Variants in BECN1 observed in about 807,000 individuals in gnomAD.
BECN1 encodes beclin 1, also known as beclin-1.
BECN1 carries 15 observed loss-of-function variants against 60.1 expected under a neutral mutation model. The ratio of observed to expected loss-of-function variants is 0.25; its 90% confidence interval spans 0.17 to 0.38. BECN1 has a LOEUF of 0.38. BECN1 is among the 10% of genes least tolerant of loss of function. The pLI is 1.00. For synonymous variants in BECN1, 179 were observed against 201.8 expected, an observed-to-expected ratio of 0.89 and a Z score of 0.96; for missense variants, 424 against 548.2, an observed-to-expected ratio of 0.77 and a Z score of 2.26.
At chr17:42,821,684 T>G in intron 2 of BECN1, among the ~76,000 whole-genome samples, 1 of 152,208 alleles carries the variant, frequency 6.6e-6, no homozygotes, top group African/African-American at 2.4e-5. Context: ...TTGTCAAAAA[T>G]GTACAGCTAA....
At chr17:42,811,386 C>G (rs1020050531) in intron 11 of BECN1, 7 of 361,314 alleles carry the variant, frequency 1.9e-5, no homozygotes, top group Admixed American at 1.4e-4. Flanking sequence ...AGGGAAAAAC[C>G]TTCTTGAAAC....
chr17:42,818,533 G>A lies in BECN1; in HGVS notation c.488+11C>T, dbSNP rs556635436. 1 of 1,614,088 alleles carries A rather than the reference G, an allele frequency of 6.2e-7. No homozygotes were observed. Among genetic ancestry groups the A allele is most frequent in the South Asian group, 1.1e-5 (1 of 91,080 alleles). On this transcript the variant is annotated intron_variant, in intron 6 of 11. Coordinates refer to ENST00000590099, the MANE Select transcript of BECN1 (RefSeq NM_001313998.2). ...GTAACAGCTCTGAGCCCTGGCTCTGGAGACACTCACTTGTAGTTCTGACAC... is the reference window on the plus strand; with the variant it reads ...GTAACAGCTCTGAGCCCTGGCTCTGAAGACACTCACTTGTAGTTCTGACAC...
chr17:42,811,801 C>T lies in BECN1; in HGVS notation c.1042-4G>A, dbSNP rs772848306. 6.2e-7 allele frequency: 1 copy of T among 1,606,754 alleles called. No individual in the cohort carries two copies. ...CAGAACAGTATAACGGCAGCTCCTGCCCAAGAAGAGAAAACTGGCTATGGA... is the reference window on the plus strand; with the variant it reads ...CAGAACAGTATAACGGCAGCTCCTGTCCAAGAAGAGAAAACTGGCTATGGA... On this transcript the variant is annotated splice_polypyrimidine_tract_variant and splice_region_variant and intron_variant, in intron 10 of 11. Transcript: ENST00000590099.
intron 7 of BECN1, among the ~76,000 whole-genome samples, chr17:42,817,217 T>C (rs2055164644): frequency 6.6e-6 from 1 of 150,504 alleles, no homozygotes; most frequent in African/African-American, 2.4e-5. Context: ...ATTGCTTAGG[T>C]GTAGGAAGTC....
rs769022331 is a variant in BECN1 at position 42,818,706 on chromosome 17, G to C, written c.352-26C>G. ...CTGGAAGTGTGGGAGAGTCAGGGTA[G>C]GGCCTCCCCCATGCTTCCTGCTCAA... On this transcript the variant is annotated intron_variant, in intron 5 of 11. Transcript: ENST00000590099. 2.5e-6 allele frequency: 4 copies of C among 1,614,028 alleles called. No homozygotes were observed. The South Asian group carries it at 3.3e-5, about 13-fold the overall frequency.
At chr17:42,823,282 C>T (rs1229566598) in intron 2 of BECN1, among the ~76,000 whole-genome samples, 1 of 152,006 alleles carries the variant, frequency 6.6e-6, no homozygotes, top group Non-Finnish European at 1.5e-5. Flanking sequence ...TGAGACGGAG[C>T]CTCGCTCTGT....
At chr17:42,812,769 A>T (rs1279296706) in intron 10 of BECN1, 1 of 150,182 alleles carries the variant, frequency 6.7e-6, no homozygotes, top group Non-Finnish European at 1.5e-5. Flanking sequence ...AAAACCTGAA[A>T]CTTTTTGACC....
At chr17:42,811,896 T>C in intron 10 of BECN1, 99 bp from the exon 11 acceptor site, 1 of 1,424,502 alleles carries the variant, frequency 7.0e-7, no homozygotes, top group African/African-American at 1.4e-5. Context: ...GTTCTGTCTG[T>C]ATCCCACTGG....
chr17:42,818,658 A>G lies in BECN1; in HGVS notation c.374T>C (p.Ile125Thr), dbSNP rs1324544345. ...ATCCACATCTGTCTGGCCCGACATG[A>G]TGTCAAAAAGGTCCCCAGTGACCTG... ...RLKVTGDLFDIMSGQTDVDHP... is the reference protein window; with the variant it reads ...RLKVTGDLFDTMSGQTDVDHP... Residue 125 changes from isoleucine to threonine, a missense_variant, in exon 6 of 12, where the codon ATC becomes ACC. This residue lies in a region of BECN1 where 326 missense variants were observed against 406.2 expected (regional missense o/e 0.80). Coordinates refer to ENST00000590099, the MANE Select transcript of BECN1 (RefSeq NM_001313998.2). The G allele has an allele frequency of 1.9e-6, 3 of 1,614,042 alleles. No homozygotes were observed. The highest frequency in any genetic ancestry group is 2.5e-6 in the Non-Finnish European group (3 of 1,180,032).
chr17:42,816,945 A>C (rs1051478193), intron 7 of BECN1, among the ~76,000 whole-genome samples: 1 of 149,162 alleles, frequency 6.7e-6, no homozygotes, highest in Admixed American at 6.6e-5. Context: ...ACTCCAGCCT[A>C]GGCAACAGAG....
chr17:42,821,242 G>A (rs2055258159), intron 2 of BECN1, among the ~76,000 whole-genome samples: 1 of 152,092 alleles, frequency 6.6e-6, no homozygotes, highest in Non-Finnish European at 1.5e-5. Context: ...TTGTATTTTA[G>A]TAGAGACAGG....
At chr17:42,816,611 T>G (rs1007824260) in intron 7 of BECN1, among the ~76,000 whole-genome samples, 4 of 145,992 alleles carry the variant, frequency 2.7e-5, no homozygotes, top group African/African-American at 1.0e-4. Context: ...ATCACACCAC[T>G]GTACTCCAGA....
At chr17:42,824,110 C>G in intron 1 of BECN1, 45 bp downstream of exon 1, 1 of 524,950 alleles carries the variant, frequency 1.9e-6, no homozygotes, top group Non-Finnish European at 3.3e-6. Context: ...TGAGGGTTCC[C>G]AGACTCCCTT....
rs752731852 is a variant in BECN1, at chr17:42,822,274, T to C, written c.131-1433A>G. On this transcript the variant is annotated intron_variant, in intron 2 of 11. Coordinates refer to ENST00000590099, the MANE Select transcript of BECN1 (RefSeq NM_001313998.2). ...ACCAGGTAATAATAGCAGCTAATAC[T>C]TATTGAATACTATTTGCCCAGCAAA... Among the ~76,000 whole-genome samples the C allele has an allele frequency of 1.5e-4, 23 of 152,334 alleles. 1 individual carries two copies. Among genetic ancestry groups the C allele is most frequent in the Admixed American group, 9.8e-4 (15 of 15,300 alleles).
intron 3 of BECN1, among the ~76,000 whole-genome samples, chr17:42,820,032 G>A (rs533971967): frequency 6.6e-6 from 1 of 152,284 alleles, no homozygotes; most frequent in African/African-American, 2.4e-5. Context: ...ACTCATATGT[G>A]ACCAAAATCT....
In BECN1 at chr17:42,818,246, C is replaced by T. The variant is rs138937709; in HGVS notation, c.658G>A (p.Glu220Lys). The T allele has an allele frequency of 3.8e-3, 6,080 of 1,614,172 alleles. 24 individuals carry two copies. Among genetic ancestry groups the T allele is most frequent in the Middle Eastern group, 4.0e-3 (24 of 6,062 alleles). ...ENLEKVQAEAERLDQEEAQYQ... is the reference protein window; with the variant it reads ...ENLEKVQAEAKRLDQEEAQYQ... Reference sequence around the variant, plus strand: ...TGAGCTTCCTCCTGATCCAGTCTCTCAGCCTCAGCCTGGACCTTCTCGAGA... The same window carrying T: ...TGAGCTTCCTCCTGATCCAGTCTCTTAGCCTCAGCCTGGACCTTCTCGAGA... Residue 220 changes from glutamate (E) to lysine (K), a missense_variant, in exon 7 of 12, where the codon GAG becomes AAG. Glu to Lys is a moderately conservative substitution (Grantham distance 56). Around this residue, in one of 3 missense-constraint regions of BECN1, gnomAD observed 326 missense variants for 406.2 expected, o/e 0.80. Transcript: ENST00000590099.
intron 2 of BECN1, among the ~76,000 whole-genome samples, chr17:42,822,546 C>A (rs1283546436): frequency 6.6e-6 from 1 of 152,086 alleles, no homozygotes; most frequent in Non-Finnish European, 1.5e-5. Context: ...ATTCTTCTGA[C>A]TTTGCGGGAT....
chr17:42,821,107 TG>T (rs1307368926), intron 2 of BECN1, among the ~76,000 whole-genome samples: 10 of 152,186 alleles, frequency 6.6e-5, no homozygotes, highest in African/African-American at 2.4e-4. Flanking sequence ...GTCGCCAGGC[TG>T]GGGTGCAGTG....
intron 7 of BECN1, among the ~76,000 whole-genome samples, chr17:42,816,742 G>C (rs991990675): frequency 1.3e-5 from 2 of 150,496 alleles, no homozygotes; most frequent in African/African-American, 4.9e-5. Flanking sequence ...AGGCTGAGGT[G>C]GGCAGATCAC....
Sources: gnomAD v4.1 joint callset for allele counts (sites outside exome capture counted in the v4.1 genomes callset) on GRCh38, gnomAD v4.1.1 for gene constraint, gnomAD v4.1.1 regional missense constraint, MANE v1.5 for transcripts, NCBI Gene and HGNC (gene_info 2026-07-23, HGNC 2026-07-21) for gene names.